Variants in PPP4R3A observed in about 807,000 individuals in gnomAD.
The protein encoded by PPP4R3A is serine/threonine-protein phosphatase 4 regulatory subunit 3A.
Under a neutral mutation model 91.7 loss-of-function variants are expected in PPP4R3A, and 15 were observed. The ratio of observed to expected loss-of-function variants is 0.16; its 90% CI spans 0.11 to 0.25. The LOEUF is 0.25. PPP4R3A is among the 10% of genes least tolerant of loss of function. The pLI, the probability that PPP4R3A is intolerant of heterozygous loss-of-function variation, is 1.00. For missense variants in PPP4R3A, 623 were observed against 998.4 expected, an observed-to-expected ratio of 0.62 and a Z score of 5.07; for synonymous variants, 377 against 348.7, an observed-to-expected ratio of 1.08 and a Z score of -0.91.
In PPP4R3A at chr14:91,507,434, AT is replaced by A. The variant is rs1407544194; in HGVS notation, c.142+2071del. Among the ~76,000 whole-genome samples the A allele has an allele frequency of 2.1e-3, 174 of 81,042 alleles. 3 individuals carry two copies. The highest frequency in any genetic ancestry group is 0.011 in the African/African-American group (165 of 15,164). 53.2% of individuals were successfully genotyped at this position (81,042 alleles called of 152,430 possible). On this transcript the variant is annotated intron_variant, in intron 1 of 14. Coordinates refer to ENST00000554943, the MANE Select transcript of PPP4R3A (RefSeq NM_001366432.2). ...TATACTATATAATATATATACTATAATTATATATACTATATAGTATATATAC... is the reference window on the plus strand; with the variant it reads ...TATACTATATAATATATATACTATAATATATATACTATATAGTATATATAC...
chr14:91,503,722 A>T (rs1033101277), intron 1 of PPP4R3A, among the ~76,000 whole-genome samples: 3 of 152,206 alleles, frequency 2.0e-5, no homozygotes, highest in Admixed American at 6.5e-5. Flanking sequence ...TTAAAATAAA[A>T]GTTGAAGAAA....
intron 4 of PPP4R3A, 80 bp downstream of exon 4, chr14:91,481,496 A>G: frequency 7.2e-7 from 1 of 1,383,332 alleles, no homozygotes; most frequent in South Asian, 1.6e-5. Flanking sequence ...CAAAATTAAA[A>G]CTCAATGTAT....
intron 1 of PPP4R3A, among the ~76,000 whole-genome samples, chr14:91,499,468 G>A (rs1890800218): frequency 1.3e-5 from 2 of 151,948 alleles, no homozygotes; most frequent in African/African-American, 4.8e-5. Flanking sequence ...TAATAGAGGT[G>A]TTTACAATTA....
At chr14:91,466,351 T>C (rs993601644) in intron 10 of PPP4R3A, 8 of 985,726 alleles carry the variant, frequency 8.1e-6, no homozygotes, top group African/African-American at 5.2e-5. Flanking sequence ...GCTCGTTAAA[T>C]TGCCAATTTG....
In PPP4R3A at chr14:91,458,884, G is replaced by A. The variant is rs558905562; in HGVS notation, c.2392-15C>T. The A allele has an allele frequency of 6.3e-6, 10 of 1,584,248 alleles. No individual in the cohort carries two copies. The highest frequency in any genetic ancestry group is 7.7e-6 in the Non-Finnish European group (9 of 1,166,746). On this transcript the variant is annotated splice_polypyrimidine_tract_variant and intron_variant, in intron 14 of 14. Coordinates refer to ENST00000554943, the MANE Select transcript of PPP4R3A (RefSeq NM_001366432.2). The stretch of plus-strand genomic sequence containing the variant: ...ACGAGGCCTCCCTGTTAAGAAATAA[G>A]GATTATTTAAAGAACAGAAAATAAA...
chr14:91,483,469 A>G lies in PPP4R3A; in HGVS notation c.298-1276T>C, dbSNP rs148512025. Among the ~76,000 whole-genome samples the G allele has an allele frequency of 2.2e-3, 329 of 152,320 alleles. 3 individuals carry two copies. The highest frequency in any genetic ancestry group is 3.5e-3 in the Non-Finnish European group (236 of 68,034). On this transcript the variant is annotated intron_variant, in intron 3 of 14. Coordinates refer to ENST00000554943, the MANE Select transcript of PPP4R3A (RefSeq NM_001366432.2). ...TCTCACACTGGCTCTGAATTTGTTAATTATGTAAGCTCTCATTATAGTTTT... is the reference window on the plus strand; with the variant it reads ...TCTCACACTGGCTCTGAATTTGTTAGTTATGTAAGCTCTCATTATAGTTTT...
At chr14:91,509,453 C>T in intron 1 of PPP4R3A, 53 bp downstream of exon 1, 3 of 1,538,994 alleles carry the variant, frequency 1.9e-6, no homozygotes, top group South Asian at 2.4e-5. Context: ...ACCAGGGAGG[C>T]GGCCCAGGGC....
At position 91,461,556 on chromosome 14, in the gene PPP4R3A, C is replaced by T. The variant is rs762908427; in HGVS notation, c.2216G>A (p.Arg739Gln). 8.7e-6 allele frequency: 14 copies of T among 1,613,888 alleles called. No homozygotes were observed. The South Asian group carries it at 8.8e-5, about 10-fold the overall frequency. The part of the protein sequence containing the change: ...EVLLKTNLSG[R>Q]QSPSFKLSLS... ...GGAAAGCTTGAAACTTGGGCTCTGC[C>T]GTCCAGAAAGGTTTGTTTTCAGAAG... Residue 739 changes from arginine (R) to glutamine (Q), a missense_variant, in exon 14 of 15, where the codon CGG (arginine) becomes CAG (glutamine). Physicochemically the swap from Arg to Gln is conservative, Grantham distance 43. Around this residue, in one of 5 missense-constraint regions of PPP4R3A, gnomAD observed 201 missense variants for 229.9 expected, o/e 0.87. Coordinates refer to ENST00000554943, the MANE Select transcript of PPP4R3A (RefSeq NM_001366432.2).
At chr14:91,492,479 A>G (rs1890282865) in intron 1 of PPP4R3A, among the ~76,000 whole-genome samples, 1 of 152,244 alleles carries the variant, frequency 6.6e-6, no homozygotes, top group Non-Finnish European at 1.5e-5. Flanking sequence ...TGCTCAGAAC[A>G]GTACCAAGTA....
At chr14:91,482,433 G>T (rs1465982063) in intron 3 of PPP4R3A, among the ~76,000 whole-genome samples, 1 of 152,130 alleles carries the variant, frequency 6.6e-6, no homozygotes, top group Non-Finnish European at 1.5e-5. Context: ...CTGCTGGCAA[G>T]AACAACTTTC....
At chr14:91,483,969 TG>T (rs1224561829) in intron 3 of PPP4R3A, among the ~76,000 whole-genome samples, 1 of 152,126 alleles carries the variant, frequency 6.6e-6, no homozygotes, top group Non-Finnish European at 1.5e-5. Flanking sequence ...GTATCCAGAG[TG>T]GAAGTGTTTG....
At chr14:91,500,371 T>C (rs1197567070) in intron 1 of PPP4R3A, among the ~76,000 whole-genome samples, 1 of 152,162 alleles carries the variant, frequency 6.6e-6, no homozygotes, top group Non-Finnish European at 1.5e-5. Flanking sequence ...CAGCTAATTT[T>C]TGTATTTTTA....
intron 7 of PPP4R3A, chr14:91,475,121 T>C (rs1199821479): frequency 6.6e-6 from 1 of 151,936 alleles, no homozygotes; most frequent in African/African-American, 2.4e-5. Flanking sequence ...TGAGAGCAGG[T>C]CCTTCTTACT....
chr14:91,476,292 GA>G, intron 6 of PPP4R3A, 115 bp downstream of exon 6: 1 of 834,400 alleles, frequency 1.2e-6, no homozygotes, highest in South Asian at 1.6e-5. Flanking sequence ...TTAACTTAAT[GA>G]ACTACGCAGC....
At chr14:91,477,923 A>G (rs2140104755) in intron 4 of PPP4R3A, among the ~76,000 whole-genome samples, 1 of 151,670 alleles carries the variant, frequency 6.6e-6, no homozygotes, top group Admixed American at 6.6e-5. Flanking sequence ...TGCTGGGATT[A>G]CGCACATGAA....
intron 10 of PPP4R3A, among the ~76,000 whole-genome samples, chr14:91,465,893 T>C (rs1210292305): frequency 3.9e-5 from 6 of 152,064 alleles, no homozygotes; most frequent in Admixed American, 2.0e-4. Context: ...TGGAATTTTA[T>C]TTATTTGTGG....
chr14:91,495,513 T>C (rs1455183291), intron 1 of PPP4R3A, among the ~76,000 whole-genome samples: 2 of 151,924 alleles, frequency 1.3e-5, no homozygotes, highest in Admixed American at 6.6e-5. Flanking sequence ...TTAGTGGTTG[T>C]TTAGGGCTGG....
Position 91,458,678 on chromosome 14 carries a change from G to C in PPP4R3A, c.*81C>G. ...TCAGTCATTCACAAGAGACCACTGC[G>C]CTTTGTTGTGGATTTTGTATGGGGG... is the stretch of plus-strand genomic sequence containing the variant. On this transcript the variant is annotated 3_prime_UTR_variant, in exon 15 of 15. Coordinates refer to ENST00000554943, the MANE Select transcript of PPP4R3A (RefSeq NM_001366432.2). 1 of 1,596,784 alleles carries C rather than the reference G, an allele frequency of 6.3e-7. No homozygotes were observed. Among genetic ancestry groups the C allele is most frequent in the Non-Finnish European group, 8.6e-7 (1 of 1,164,862 alleles).
intron 7 of PPP4R3A, chr14:91,475,341 GTGTT>G: frequency 6.2e-6 from 1 of 161,640 alleles, no homozygotes; most frequent in South Asian, 1.7e-4. Context: ...GCTAACGTGA[GTGTT>G]TGTGAACAAC....
Sources: allele counts gnomAD v4.1 joint callset (sites outside exome capture counted in the v4.1 genomes callset), GRCh38; gene constraint gnomAD v4.1.1; regional missense constraint gnomAD v4.1.1; transcripts MANE v1.5; gene names NCBI Gene and HGNC (gene_info 2026-07-23, HGNC 2026-07-21).